The following WWP1 variants were observed in gnomAD, a reference collection of about 807,000 sequenced individuals.
WWP1 encodes NEDD4-like E3 ubiquitin-protein ligase WWP1.
In WWP1, 49 loss-of-function variants were observed where a neutral mutation model predicts 130.6. The ratio of observed to expected loss-of-function variants is 0.38; its 90% CI spans 0.30 to 0.48. The LOEUF is 0.48. WWP1 is among the 20% of genes least tolerant of loss of function. The pLI, the probability that WWP1 is intolerant of heterozygous loss-of-function variation, is 0.99. For synonymous variants in WWP1, 332 were observed against 367.8 expected, an observed-to-expected ratio of 0.90 and a Z score of 1.11; for missense variants, 809 against 1,100.6, an observed-to-expected ratio of 0.74 and a Z score of 3.75.
At chr8:86,440,763 A>G (rs958270768) in intron 17 of WWP1, 4 of 423,510 alleles carry the variant, frequency 9.4e-6, no homozygotes, top group African/African-American at 8.4e-5. Context: ...TCAGTCTTAC[A>G]TGTCTGTCAT....
intron 14 of WWP1, among the ~76,000 whole-genome samples, chr8:86,432,281 G>C (rs1810023368): frequency 6.6e-6 from 1 of 152,158 alleles, no homozygotes; most frequent in Non-Finnish European, 1.5e-5. Context: ...GCATAACTAA[G>C]AAAATAGAAG....
intron 5 of WWP1, among the ~76,000 whole-genome samples, chr8:86,382,023 A>G (rs1825012385): frequency 6.6e-6 from 1 of 152,136 alleles, no homozygotes; most frequent in African/African-American, 2.4e-5. Context: ...TTATATAATT[A>G]GTTTATTGTA....
intron 1 of WWP1, among the ~76,000 whole-genome samples, chr8:86,361,719 A>G (rs1191406088): frequency 1.3e-5 from 2 of 151,926 alleles, no homozygotes; most frequent in Non-Finnish European, 2.9e-5. Context: ...TCCACAACTC[A>G]TCTCAACTGT....
In WWP1 at chr8:86,427,834, A is replaced by G; in HGVS notation, c.1332+17A>G. On this transcript the variant is annotated intron_variant, in intron 11 of 24. Transcript: ENST00000517970. ...CTCTATTCGGTAATTAGCAAATTGT[A>G]AGATGTTAACATAACTTCCTCCCTC... 1 of 1,590,426 alleles carries G rather than the reference A, an allele frequency of 6.3e-7. No individual in the cohort carries two copies. The highest frequency in any genetic ancestry group is 8.6e-7 in the Non-Finnish European group (1 of 1,166,392).
Position 86,461,847 on chromosome 8 carries a change from G to A in WWP1, c.2669+1G>A. ...CTTGGTTACCAAGAAGCCATACATG[G>A]TAAGTTCAAGAATCCTAAATACGAA... On this transcript the variant is annotated splice_donor_variant, in intron 24 of 24. Coordinates refer to ENST00000517970, the MANE Select transcript of WWP1 (RefSeq NM_007013.4). LOFTEE classifies it high-confidence loss of function. 1 of 1,611,524 alleles carries A rather than the reference G, an allele frequency of 6.2e-7. No individual in the cohort carries two copies. Among genetic ancestry groups the A allele is most frequent in the Non-Finnish European group, 8.5e-7 (1 of 1,178,808 alleles).
At chr8:86,457,396 T>A (rs975873955) in intron 21 of WWP1, among the ~76,000 whole-genome samples, 7 of 148,954 alleles carry the variant, frequency 4.7e-5, no homozygotes, top group African/African-American at 1.8e-4. Flanking sequence ...GATAGCCAGT[T>A]TGGGGGAGAT....
chr8:86,393,392 C>T (rs1407630496), intron 5 of WWP1, among the ~76,000 whole-genome samples: 1 of 151,974 alleles, frequency 6.6e-6, no homozygotes, highest in East Asian at 1.9e-4. Flanking sequence ...GGACTGCAGG[C>T]ACGTGCCACC....
At chr8:86,412,010 A>C in intron 9 of WWP1, 136 bp downstream of exon 9, 1 of 836,856 alleles carries the variant, frequency 1.2e-6, no homozygotes, top group South Asian at 2.0e-5. Flanking sequence ...CATACTATTT[A>C]TTTACTTGCT....
At chr8:86,395,940 G>T (rs1237801995) in intron 5 of WWP1, among the ~76,000 whole-genome samples, 1 of 151,990 alleles carries the variant, frequency 6.6e-6, no homozygotes, top group Non-Finnish European at 1.5e-5. Flanking sequence ...TCTTCTTTAG[G>T]AATCTATTCA....
At chr8:86,398,675 T>A in intron 7 of WWP1, 37 bp downstream of exon 7, 5 of 1,597,458 alleles carry the variant, frequency 3.1e-6, no homozygotes, top group Middle Eastern at 4.5e-4. Flanking sequence ...GGCGACATGA[T>A]GTGGAACATA....
chr8:86,349,996 C>T (rs1479975286), intron 1 of WWP1, among the ~76,000 whole-genome samples: 2 of 152,010 alleles, frequency 1.3e-5, no homozygotes, highest in African/African-American at 2.4e-5. Context: ...GTCCCCCACG[C>T]GCTCCAAGCC....
Position 86,400,097 on chromosome 8 carries a change from G to T in WWP1, c.539+1459G>T, listed in dbSNP as rs559549096. On this transcript the variant is annotated intron_variant, in intron 7 of 24. Transcript: ENST00000517970. Reference sequence around the variant, plus strand: ...TGTAATCCCAGTACTTTGGGAGGCCGAAGCGGGCAGATCATGAGGTCAGGA... The same window carrying T: ...TGTAATCCCAGTACTTTGGGAGGCCTAAGCGGGCAGATCATGAGGTCAGGA... 1.2e-4 allele frequency among the ~76,000 whole-genome samples: 18 copies of T among 152,162 alleles called. 1 individual carries two copies. In the South Asian group the frequency reaches 3.7e-3, roughly 32 times the overall value.
chr8:86,432,279 A>G (rs552384101), intron 14 of WWP1, among the ~76,000 whole-genome samples: 7 of 152,310 alleles, frequency 4.6e-5, no homozygotes, highest in Admixed American at 3.9e-4. Context: ...TTGCATAACT[A>G]AGAAAATAGA....
Position 86,411,578 on chromosome 8 carries a change from G to A in WWP1, c.765G>A (p.Ala255=), listed in dbSNP as rs776277994. 39 of 1,613,772 alleles carry A rather than the reference G, an allele frequency of 2.4e-5. No individual in the cohort carries two copies. The highest frequency in any genetic ancestry group is 8.3e-5 in the Admixed American group (5 of 59,976). ...ESSSFAPTDN[A]SVTGTPVVSE... Reference sequence around the variant, plus strand: ...CCTCATTTGCACCAACTGATAATGCGTCTGTCACGGGTACTCCAGTAGTGT... The same window carrying A: ...CCTCATTTGCACCAACTGATAATGCATCTGTCACGGGTACTCCAGTAGTGT... Residue 255 remains alanine, a synonymous_variant, in exon 9 of 25, where the codon GCG becomes GCA. Transcript: ENST00000517970.
chr8:86,419,466 G>A (rs1809074439), intron 9 of WWP1, among the ~76,000 whole-genome samples: 1 of 152,134 alleles, frequency 6.6e-6, no homozygotes, highest in African/African-American at 2.4e-5. Context: ...AGGGATAAAA[G>A]TAGATACAAC....
At position 86,349,030 on chromosome 8, in the gene WWP1, C is replaced by CT. The variant is rs199963155; in HGVS notation, c.-115+6109dup. On this transcript the variant is annotated intron_variant, in intron 1 of 24. Coordinates refer to ENST00000517970, the MANE Select transcript of WWP1 (RefSeq NM_007013.4). ...GAGTACAAAACAGAAGCAACCAGAT[C>CT]TTTTTTTTTGAGAGGGAGTCTCACT... Among the ~76,000 whole-genome samples, 807 of 151,402 alleles carry CT rather than the reference C, an allele frequency of 5.3e-3. 7 individuals are homozygous for CT. Among genetic ancestry groups the CT allele is most frequent in the African/African-American group, 0.018 (759 of 41,286 alleles).
chr8:86,400,237 C>T (rs1807895233), intron 7 of WWP1, among the ~76,000 whole-genome samples: 1 of 151,882 alleles, frequency 6.6e-6, no homozygotes, highest in African/African-American at 2.4e-5. Flanking sequence ...GAGTCTGAAG[C>T]AGGAGAATTG....
intron 1 of WWP1, among the ~76,000 whole-genome samples, chr8:86,346,808 ATACT>A (rs1323385510): frequency 3.3e-5 from 5 of 152,226 alleles, no homozygotes; most frequent in Admixed American, 2.6e-4. Flanking sequence ...CTAGTTACTA[ATACT>A]TAATGGAGGA....
intron 16 of WWP1, 99 bp downstream of exon 16, chr8:86,435,803 C>A: frequency 8.9e-7 from 1 of 1,124,336 alleles, no homozygotes; most frequent in Non-Finnish European, 1.3e-6. Context: ...CCACCCAGAA[C>A]ACAGCTATAA....
Sources: gnomAD v4.1 joint callset for allele counts (sites outside exome capture counted in the v4.1 genomes callset) on GRCh38, gnomAD v4.1.1 for gene constraint, MANE v1.5 for transcripts, NCBI Gene and HGNC (gene_info 2026-07-23, HGNC 2026-07-21) for gene names.